AGXT2: variants seen among roughly 807,000 people sequenced by gnomAD.
AGXT2 encodes the protein alanine--glyoxylate aminotransferase 2, mitochondrial.
In AGXT2, 61 loss-of-function variants were observed where a neutral mutation model predicts 62.5. The ratio of observed to expected loss-of-function variants is 0.98; its 90% CI spans 0.79 to 1.21. The LOEUF (loss-of-function observed/expected upper bound fraction) is 1.21, where lower values mean the gene tolerates loss of function less well. Among genes scored for constraint, AGXT2 ranks in the 50% most tolerant of loss-of-function variants. The pLI is 0.00. For synonymous variants in AGXT2, 243 were observed against 218.7 expected (o/e 1.11, Z -0.98); for missense variants, 666 against 641.5 (o/e 1.04, Z -0.41).
chr5:35,017,810 A>G (rs1766903968), intron 9 of AGXT2, among the ~76,000 whole-genome samples: 1 of 152,202 alleles, frequency 6.6e-6, no homozygotes, highest in African/African-American at 2.4e-5. Context: ...AAGGCAAAGA[A>G]GTTGAAAACT....
At chr5:35,009,841 C>G (rs1766560580) in intron 12 of AGXT2, among the ~76,000 whole-genome samples, 159 bp downstream of exon 12, 1 of 152,146 alleles carries the variant, frequency 6.6e-6, no homozygotes, top group African/African-American at 2.4e-5. Context: ...GCATTTTGTT[C>G]ATACTCAACA....
At position 35,040,876 on chromosome 5, in the gene AGXT2, A is replaced by G. The variant is rs527987741; in HGVS notation, c.89-213T>C. Among the ~76,000 whole-genome samples the G allele has an allele frequency of 2.7e-5, 3 of 111,964 alleles. No individual in the cohort carries two copies. The South Asian group carries it at 1.0e-3, about 38-fold the overall frequency. 73.5% of individuals were successfully genotyped at this position (111,964 alleles called of 152,430 possible). ...ATAGTTCTTCTCAAATATAGTCTGG[A>G]AAAAAAATCTACGGCAGTCCCTCAC... On this transcript the variant is annotated intron_variant, in intron 1 of 13. Coordinates refer to ENST00000231420, the MANE Select transcript of AGXT2 (RefSeq NM_031900.4).
intron 12 of AGXT2, among the ~76,000 whole-genome samples, chr5:35,007,370 G>A (rs951382877): frequency 5.9e-5 from 9 of 152,210 alleles, no homozygotes; most frequent in African/African-American, 1.7e-4. Context: ...TAGTGGAAAA[G>A]ATCTTTTCAA....
At chr5:35,019,424 TC>T (rs1239797809) in intron 9 of AGXT2, among the ~76,000 whole-genome samples, 3 of 150,138 alleles carry the variant, frequency 2.0e-5, no homozygotes, top group Non-Finnish European at 4.5e-5. Context: ...AGAATCTCAC[TC>T]AAAACCGCTC....
chr5:35,008,092 C>T (rs1469880529), intron 12 of AGXT2, among the ~76,000 whole-genome samples: 1 of 152,180 alleles, frequency 6.6e-6, no homozygotes, highest in Non-Finnish European at 1.5e-5. Flanking sequence ...TCTGCAGAAC[C>T]ATGAGCCAAA....
At chr5:35,015,849 C>CAAA (rs557021858) in intron 9 of AGXT2, among the ~76,000 whole-genome samples, 1,242 of 69,284 alleles carry the variant, frequency 0.018, 43 homozygotes, top group African/African-American at 0.068. Flanking sequence ...GACTCCATCT[C>CAAA]AAAAAAAAAA....
At chr5:35,012,243 A>G (rs11745992) in intron 11 of AGXT2, among the ~76,000 whole-genome samples, 13,625 of 151,206 alleles carry the variant, frequency 0.09, 779 homozygotes, top group South Asian at 0.15. Flanking sequence ...AAATAAATAT[A>G]TATACATATA....
At chr5:35,027,110 A>T (rs2112247038) in intron 7 of AGXT2, 1 of 733,412 alleles carries the variant, frequency 1.4e-6, no homozygotes, top group African/African-American at 1.9e-5. Context: ...CCGATTAATC[A>T]GGAGGTTTTT....
chr5:35,022,614 C>T (rs908424444), intron 9 of AGXT2, among the ~76,000 whole-genome samples: 22 of 151,072 alleles, frequency 1.5e-4, no homozygotes, highest in Non-Finnish European at 2.2e-4. Flanking sequence ...GGGACATATG[C>T]CTAATGCTAG....
rs368387292 is a variant in AGXT2 at position 35,040,666 on chromosome 5, G to A, written c.89-3C>T. Reference sequence around the variant, plus strand: ...TACTGATGTCCGGGAAGTACCTACTGAAAGTGAAGTGAGTTAGAATCCTCA... The same window carrying A: ...TACTGATGTCCGGGAAGTACCTACTAAAAGTGAAGTGAGTTAGAATCCTCA... On this transcript the variant is annotated splice_region_variant and splice_polypyrimidine_tract_variant and intron_variant, in intron 1 of 13. Coordinates refer to ENST00000231420, the MANE Select transcript of AGXT2 (RefSeq NM_031900.4). 17 of 1,611,744 alleles carry A rather than the reference G, an allele frequency of 1.1e-5. No individual in the cohort carries two copies. Among genetic ancestry groups the A allele is most frequent in the Admixed American group, 1.7e-5 (1 of 60,000 alleles).
intron 9 of AGXT2, among the ~76,000 whole-genome samples, chr5:35,015,264 C>T (rs1288809278): frequency 6.6e-6 from 1 of 152,170 alleles, no homozygotes; most frequent in Non-Finnish European, 1.5e-5. Flanking sequence ...TGTCTTATTC[C>T]ATTCTGTATC....
At chr5:35,001,900 C>T (rs13173943) in intron 13 of AGXT2, among the ~76,000 whole-genome samples, 45,667 of 151,916 alleles carry the variant, frequency 0.3, 7,751 homozygotes, top group Non-Finnish European at 0.39. Flanking sequence ...TTGCCTTTCT[C>T]TCCCACCAGC....
intron 7 of AGXT2, among the ~76,000 whole-genome samples, chr5:35,028,037 A>G (rs1337219496): frequency 2.6e-5 from 4 of 151,566 alleles, no homozygotes; most frequent in Non-Finnish European, 5.9e-5. Context: ...AGGGTTTCCT[A>G]TAAGATCCCT....
intron 4 of AGXT2, among the ~76,000 whole-genome samples, chr5:35,036,500 A>G (rs1767772999): frequency 6.6e-6 from 1 of 152,236 alleles, no homozygotes; most frequent in Non-Finnish European, 1.5e-5. Context: ...AATGAACCAA[A>G]TGGCACTTAT....
chr5:35,041,341 T>G (rs762797539), intron 1 of AGXT2, among the ~76,000 whole-genome samples: 3 of 151,490 alleles, frequency 2.0e-5, no homozygotes, highest in African/African-American at 4.9e-5. Context: ...TGTGTGTGTG[T>G]GTCAAAATGC....
intron 12 of AGXT2, among the ~76,000 whole-genome samples, chr5:35,009,355 G>C (rs75411474): frequency 6.6e-6 from 1 of 152,126 alleles, no homozygotes; most frequent in African/African-American, 2.4e-5. Context: ...TAGTACTTCA[G>C]GAGGCCACGG....
intron 9 of AGXT2, among the ~76,000 whole-genome samples, chr5:35,014,418 A>C (rs1031806678): frequency 7.4e-5 from 10 of 134,256 alleles, no homozygotes; most frequent in Non-Finnish European, 1.2e-4. Context: ...GCACCACTGC[A>C]CTCCAGCCTG....
chr5:34,998,760 G>T lies in AGXT2; in HGVS notation c.1504C>A (p.Arg502Ser). 1 of 1,613,948 alleles carries T rather than the reference G, an allele frequency of 6.2e-7. No individual in the cohort carries two copies. Among genetic ancestry groups the T allele is most frequent in the East Asian group, 2.2e-5 (1 of 44,884 alleles). ...PEVDFAVEVF[R>S]SALTQHMERR... ...TCCATGTGTTGGGTTAAGGCAGAAC[G>T]AAATACTTCTACTGCAAAATCAACT... The change falls in exon 14 of 14, where the codon CGT (arginine) becomes AGT (serine). Residue 502 changes from arginine (R) to serine (S), a missense_variant. Arg to Ser is a moderately radical substitution (Grantham distance 110). Coordinates refer to ENST00000231420, the MANE Select transcript of AGXT2 (RefSeq NM_031900.4).
At position 35,009,527 on chromosome 5, in the gene AGXT2, T is replaced by C. The variant is rs181251025; in HGVS notation, c.1338+473A>G. Among the ~76,000 whole-genome samples the C allele has an allele frequency of 1.8e-3, 280 of 152,158 alleles. 2 individuals are homozygous for C. The highest frequency in any genetic ancestry group is 6.4e-3 in the African/African-American group (267 of 41,508). ...TCGAGAATAGCTTGAACCTGTAAGG[T>C]GGAGGTTGCAGTGAGCCAAGATCGT... On this transcript the variant is annotated intron_variant, in intron 12 of 13. Transcript: ENST00000231420.
Sources: gnomAD v4.1 joint callset for allele counts (sites outside exome capture counted in the v4.1 genomes callset) on GRCh38, gnomAD v4.1.1 for gene constraint, MANE v1.5 for transcripts, NCBI Gene and HGNC (gene_info 2026-07-23, HGNC 2026-07-21) for gene names.